Variants in C8orf34 observed in about 807,000 individuals in gnomAD.
The protein encoded by C8orf34 is uncharacterized protein C8orf34.
In C8orf34, 65 loss-of-function variants were observed where a neutral mutation model predicts 68.3. The observed-to-expected ratio is 0.95, with a 90% CI of 0.78 to 1.17. C8orf34 has a LOEUF of 1.17. Among genes scored for constraint, C8orf34 ranks in the 50% most tolerant of loss-of-function variants. The pLI is 0.00. For missense variants in C8orf34, 664 were observed against 655.4 expected (o/e 1.01, Z -0.14); for synonymous variants, 244 against 241.2 (o/e 1.01, Z -0.11).
rs1805583671 is a variant in C8orf34, at chr8:68,331,410, T to A, written c.327+71T>A. 3.5e-6 allele frequency: 5 copies of A among 1,447,252 alleles called. No individual in the cohort carries two copies. In the East Asian group the frequency reaches 9.9e-5, roughly 29 times the overall value. 89.7% of individuals were successfully genotyped at this position (1,447,252 alleles called of 1,614,324 possible). On this transcript the variant is annotated intron_variant, in intron 1 of 13. Transcript: ENST00000518698. The stretch of plus-strand genomic sequence containing the variant: ...GGGTGCAGTAATGAAAACAGAACAC[T>A]CCCAATCCCACCCCTCCCAGGGAAG...
chr8:68,361,289 G>C (rs1806984394), intron 1 of C8orf34, among the ~76,000 whole-genome samples: 1 of 152,300 alleles, frequency 6.6e-6, no homozygotes, highest in African/African-American at 2.4e-5. Context: ...GCACTGAAGG[G>C]TTGCTCCAAC....
chr8:68,580,074 A>G (rs911945664), intron 7 of C8orf34, among the ~76,000 whole-genome samples: 3 of 152,144 alleles, frequency 2.0e-5, no homozygotes, highest in African/African-American at 7.2e-5. Flanking sequence ...CATAGTAAGG[A>G]CAGAAACAGA....
intron 7 of C8orf34, among the ~76,000 whole-genome samples, chr8:68,559,897 T>C (rs538445176): frequency 1.3e-5 from 2 of 151,978 alleles, no homozygotes; most frequent in African/African-American, 2.4e-5. Flanking sequence ...ATCCATGGAG[T>C]TGATGGAACA....
intron 11 of C8orf34, among the ~76,000 whole-genome samples, chr8:68,781,643 G>T (rs1162275894): frequency 6.6e-6 from 1 of 152,138 alleles, no homozygotes; most frequent in African/African-American, 2.4e-5. Context: ...TAGCCTTATG[G>T]GTTGAGCTTT....
At chr8:68,350,237 T>C (rs1193282326) in intron 1 of C8orf34, among the ~76,000 whole-genome samples, 1 of 150,040 alleles carries the variant, frequency 6.7e-6, no homozygotes, top group Non-Finnish European at 1.5e-5. Flanking sequence ...TGTAACTGCA[T>C]GATTTTGAGT....
intron 1 of C8orf34, among the ~76,000 whole-genome samples, chr8:68,411,356 T>C (rs760768900): frequency 1.3e-5 from 2 of 152,198 alleles, no homozygotes; most frequent in South Asian, 2.1e-4. Flanking sequence ...ATATTTCATA[T>C]GTAAAACTAG....
intron 8 of C8orf34, among the ~76,000 whole-genome samples, chr8:68,684,404 T>C (rs906587428): frequency 2.6e-5 from 4 of 152,286 alleles, no homozygotes; most frequent in Non-Finnish European, 4.4e-5. Context: ...CCAGTTTGGA[T>C]GGACATTGGG....
In C8orf34 at chr8:68,555,639, T is replaced by G. The variant is rs118114209; in HGVS notation, c.1105+22490T>G. Among the ~76,000 whole-genome samples, 1,469 of 152,206 alleles carry G rather than the reference T, an allele frequency of 9.7e-3. 13 individuals carry two copies. The highest frequency in any genetic ancestry group is 0.034 in the South Asian group (165 of 4,826). On this transcript the variant is annotated intron_variant, in intron 7 of 13. Transcript: ENST00000518698. Reference sequence around the variant, plus strand: ...TTGGTTTTGGTTTTTATTCTATTATTTCACAGTTTTACATGCTCAGGGATG... The same window carrying G: ...TTGGTTTTGGTTTTTATTCTATTATGTCACAGTTTTACATGCTCAGGGATG...
At chr8:68,570,023 A>G (rs1816715904) in intron 7 of C8orf34, among the ~76,000 whole-genome samples, 1 of 152,018 alleles carries the variant, frequency 6.6e-6, no homozygotes, top group East Asian at 1.9e-4. Flanking sequence ...CTCATTGCAC[A>G]CTCCCTCTCT....
At chr8:68,758,299 C>T (rs1822924565) in intron 10 of C8orf34, among the ~76,000 whole-genome samples, 1 of 152,206 alleles carries the variant, frequency 6.6e-6, no homozygotes, top group Admixed American at 6.5e-5. Flanking sequence ...TTCTCCTCAT[C>T]TCATGTGGAA....
chr8:68,332,788 A>G (rs566853198), intron 1 of C8orf34, among the ~76,000 whole-genome samples: 2 of 152,294 alleles, frequency 1.3e-5, no homozygotes, highest in South Asian at 2.1e-4. Context: ...GAGTCCTACA[A>G]TTGCTTTGAT....
intron 7 of C8orf34, among the ~76,000 whole-genome samples, chr8:68,640,021 C>A (rs796498690): frequency 3.7e-4 from 56 of 152,280 alleles, no homozygotes; most frequent in African/African-American, 1.3e-3. Flanking sequence ...AGCTGGCAGT[C>A]ATTGACCAAG....
chr8:68,550,809 C>A (rs896204208), intron 7 of C8orf34, among the ~76,000 whole-genome samples: 1 of 151,390 alleles, frequency 6.6e-6, no homozygotes, highest in Non-Finnish European at 1.5e-5. Context: ...AACTATTTCA[C>A]CCTACTCTCT....
intron 8 of C8orf34, among the ~76,000 whole-genome samples, chr8:68,646,640 G>C (rs1819181849): frequency 6.6e-6 from 1 of 151,920 alleles, no homozygotes; most frequent in Admixed American, 6.6e-5. Flanking sequence ...CCTTCCCCCA[G>C]CCTCTGGTAA....
intron 5 of C8orf34, among the ~76,000 whole-genome samples, chr8:68,494,467 CACA>C (rs1369412115): frequency 2.0e-5 from 3 of 152,110 alleles, no homozygotes; most frequent in Non-Finnish European, 4.4e-5. Flanking sequence ...AGATTGGCTG[CACA>C]ACAACATAAA....
rs533634655 is a variant in C8orf34, at chr8:68,763,747, G to A, written c.1405-12652G>A. On this transcript the variant is annotated intron_variant, in intron 10 of 13. Coordinates refer to ENST00000518698, the MANE Select transcript of C8orf34 (RefSeq NM_052958.4). ...ATTAAATTAGAAATTTGTGCTTCTT[G>A]TAATAATCCTCATTCATTCAAGAAC... Among the ~76,000 whole-genome samples, 509 of 152,222 alleles carry A rather than the reference G, an allele frequency of 3.3e-3. 2 individuals are homozygous for A. Among genetic ancestry groups the A allele is most frequent in the African/African-American group, 0.012 (495 of 41,548 alleles).
chr8:68,533,414 T>C (rs1024927086), intron 7 of C8orf34: 1 of 1,140,324 alleles, frequency 8.8e-7, no homozygotes, highest in African/African-American at 1.6e-5. Flanking sequence ...TGAAGCGTTA[T>C]TCTGTGTGCA....
At chr8:68,780,082 A>G (rs1823632021) in intron 11 of C8orf34, among the ~76,000 whole-genome samples, 1 of 152,190 alleles carries the variant, frequency 6.6e-6, no homozygotes, top group Admixed American at 6.5e-5. Context: ...TGACATTATA[A>G]ATCGATGGAA....
intron 1 of C8orf34, among the ~76,000 whole-genome samples, chr8:68,431,519 A>G (rs1258884855): frequency 6.6e-6 from 1 of 152,200 alleles, no homozygotes; most frequent in Non-Finnish European, 1.5e-5. Context: ...TTGCTTCCAT[A>G]GACTATTAGT....
Sources: allele counts gnomAD v4.1 joint callset (sites outside exome capture counted in the v4.1 genomes callset), GRCh38; gene constraint gnomAD v4.1.1; transcripts MANE v1.5; gene names NCBI Gene and HGNC (gene_info 2026-07-23, HGNC 2026-07-21).